The following KCNK13 variants were observed in gnomAD, a reference collection of about 807,000 sequenced individuals.
KCNK13 encodes potassium channel subfamily K member 13.
KCNK13 carries 12 observed loss-of-function variants against 23.4 expected under a neutral mutation model. That is an observed-to-expected ratio of 0.51 (90% CI 0.33 to 0.83). The LOEUF is 0.83. KCNK13 is among the 40% of genes least tolerant of loss of function. The pLI is 0.02. For synonymous variants in KCNK13, 231 were observed against 229.5 expected (o/e 1.01, Z -0.06); for missense variants, 463 against 556.3 (o/e 0.83, Z 1.69).
At chr14:90,092,061 A>G (rs1003881468) in intron 1 of KCNK13, among the ~76,000 whole-genome samples, 3 of 151,452 alleles carry the variant, frequency 2.0e-5, no homozygotes, top group African/African-American at 7.3e-5. Flanking sequence ...AGCTGGGACT[A>G]CAGGTGCCCG....
intron 1 of KCNK13, among the ~76,000 whole-genome samples, chr14:90,090,928 C>T (rs1249038497): frequency 6.6e-6 from 1 of 152,168 alleles, no homozygotes; most frequent in African/African-American, 2.4e-5. Flanking sequence ...TCCATTAAAC[C>T]TCTTTTTTGC....
chr14:90,161,801 A>G (rs890674308), intron 1 of KCNK13, among the ~76,000 whole-genome samples: 16 of 152,202 alleles, frequency 1.1e-4, no homozygotes, highest in African/African-American at 3.1e-4. Context: ...AACATGAAAT[A>G]AGCAAGGGCA....
chr14:90,085,812 TTA>T (rs1270563855), intron 1 of KCNK13, among the ~76,000 whole-genome samples: 1 of 18,066 alleles, frequency 5.5e-5, no homozygotes, highest in Non-Finnish European at 9.4e-5. Context: ...ATATATTATA[TTA>T]TATATTATAT....
At chr14:90,116,514 A>C (rs1596784982) in intron 1 of KCNK13, among the ~76,000 whole-genome samples, 1 of 152,170 alleles carries the variant, frequency 6.6e-6, no homozygotes, top group Non-Finnish European at 1.5e-5. Context: ...GGGGACAATG[A>C]GGGCTGTCAA....
chr14:90,137,836 G>A (rs1381394979), intron 1 of KCNK13, among the ~76,000 whole-genome samples: 2 of 152,168 alleles, frequency 1.3e-5, no homozygotes, highest in South Asian at 2.1e-4. Flanking sequence ...TTACACACAC[G>A]ATTGTGTGTT....
chr14:90,073,821 C>T (rs1235792890), intron 1 of KCNK13, among the ~76,000 whole-genome samples: 2 of 152,048 alleles, frequency 1.3e-5, no homozygotes, highest in Non-Finnish European at 2.9e-5. Flanking sequence ...CTGGCACGTG[C>T]CACCACGCCC....
At chr14:90,143,263 G>T (rs1198591429) in intron 1 of KCNK13, among the ~76,000 whole-genome samples, 3 of 145,918 alleles carry the variant, frequency 2.1e-5, no homozygotes, top group African/African-American at 7.6e-5. Flanking sequence ...GCTGAAATGC[G>T]GTAGCGTGAT....
At chr14:90,129,295 G>A (rs1889839493) in intron 1 of KCNK13, among the ~76,000 whole-genome samples, 1 of 152,026 alleles carries the variant, frequency 6.6e-6, no homozygotes, top group South Asian at 2.1e-4. Flanking sequence ...TTTTGCCATT[G>A]TGATCAATGG....
intron 1 of KCNK13, among the ~76,000 whole-genome samples, chr14:90,134,583 C>T (rs1427789198): frequency 6.6e-6 from 1 of 152,144 alleles, no homozygotes; most frequent in Non-Finnish European, 1.5e-5. Flanking sequence ...TCAAGGTGTT[C>T]ACAATAATAG....
intron 1 of KCNK13, among the ~76,000 whole-genome samples, chr14:90,087,150 ATATAT>A (rs1474429948): frequency 0.017 from 1,199 of 72,130 alleles, 17 homozygotes; most frequent in African/African-American, 0.059. Flanking sequence ...ATATATATAT[ATATAT>A]TTTTTTTTTT....
At chr14:90,091,928 CTT>C (rs753251792) in intron 1 of KCNK13, among the ~76,000 whole-genome samples, 25 of 135,600 alleles carry the variant, frequency 1.8e-4, no homozygotes, top group Admixed American at 3.0e-4. Flanking sequence ...AAGAGAACTC[CTT>C]TTTTTTTTTT....
intron 1 of KCNK13, among the ~76,000 whole-genome samples, chr14:90,135,755 T>C (rs1363823923): frequency 6.6e-6 from 1 of 152,198 alleles, no homozygotes; most frequent in African/African-American, 2.4e-5. Flanking sequence ...TTTTTTGTTC[T>C]GTGTTTAAGT....
chr14:90,140,252 T>G (rs143033374), intron 1 of KCNK13, among the ~76,000 whole-genome samples: 20 of 152,264 alleles, frequency 1.3e-4, no homozygotes, highest in Non-Finnish European at 2.5e-4. Flanking sequence ...GCTCCTTAAA[T>G]TCAAGAGGTG....
chr14:90,143,147 C>CTT (rs367843657), intron 1 of KCNK13, among the ~76,000 whole-genome samples: 3 of 24,348 alleles, frequency 1.2e-4, no homozygotes, highest in Non-Finnish European at 2.1e-4. Flanking sequence ...AGAGCAGAAA[C>CTT]TTTCTTTCTT....
chr14:90,122,644 G>A (rs1889752703), intron 1 of KCNK13, among the ~76,000 whole-genome samples: 1 of 152,074 alleles, frequency 6.6e-6, no homozygotes, highest in Non-Finnish European at 1.5e-5. Context: ...AGGATGGAGT[G>A]TGAAATTGTT....
At chr14:90,110,965 C>T (rs1007528887) in intron 1 of KCNK13, among the ~76,000 whole-genome samples, 4 of 150,018 alleles carry the variant, frequency 2.7e-5, no homozygotes, top group African/African-American at 9.8e-5. Flanking sequence ...GCTGAGATGG[C>T]GCCATTGCAC....
At chr14:90,077,027 G>A (rs918376604) in intron 1 of KCNK13, among the ~76,000 whole-genome samples, 3 of 150,598 alleles carry the variant, frequency 2.0e-5, no homozygotes, top group East Asian at 1.9e-4. Context: ...CACCATGTTA[G>A]CCAGGATGGT....
chr14:90,115,540 A>G (rs1889666489), intron 1 of KCNK13, among the ~76,000 whole-genome samples: 1 of 152,228 alleles, frequency 6.6e-6, no homozygotes, highest in African/African-American at 2.4e-5. Context: ...TGTCTGACCC[A>G]GGGGCCCTTT....
At chr14:90,121,124 C>G (rs1156546490) in intron 1 of KCNK13, among the ~76,000 whole-genome samples, 5 of 152,164 alleles carry the variant, frequency 3.3e-5, no homozygotes, top group African/African-American at 9.7e-5. Context: ...GGGAGGCAAC[C>G]AGCTAACGTC....
Sources: gnomAD v4.1 joint callset for allele counts (sites outside exome capture counted in the v4.1 genomes callset) on GRCh38, gnomAD v4.1.1 for gene constraint, MANE v1.5 for transcripts, NCBI Gene and HGNC (gene_info 2026-07-23, HGNC 2026-07-21) for gene names.